Variants in MUC5B observed in about 807,000 individuals in gnomAD.
MUC5B encodes the protein mucin 5B, oligomeric mucus/gel-forming.
MUC5B carries 116 observed loss-of-function variants against 376.9 expected under a neutral mutation model. That is an observed-to-expected ratio of 0.31 (90% CI 0.26 to 0.36). The LOEUF is 0.36. Among genes scored for constraint, MUC5B ranks in the 10% least tolerant of loss-of-function variants. The probability of loss-of-function intolerance (pLI) is 1.00; values close to 1 mark genes in which losing one functional copy is unlikely to be tolerated. For missense variants in MUC5B, 7,165 were observed against 7,769.9 expected, an observed-to-expected ratio of 0.92 and a Z score of 2.93; for synonymous variants, 3,517 against 3,390.9, an observed-to-expected ratio of 1.04 and a Z score of -1.29.
chr11:1,243,297 G>A lies in MUC5B; in HGVS notation c.6417G>A (p.Thr2139=), dbSNP rs530831534. ...CATCACTGACCACCACGGCCACTACGATCACGGCCACCGGCTCCACCACCA... is the reference window on the plus strand; with the variant it reads ...CATCACTGACCACCACGGCCACTACAATCACGGCCACCGGCTCCACCACCA... ...TPPSLTTTAT[T]ITATGSTTNP... is the part of the protein sequence containing the mutation. Residue 2139 remains threonine, a synonymous_variant, in exon 31 of 49, where the codon ACG becomes ACA. Coordinates refer to ENST00000529681, the MANE Select transcript of MUC5B (RefSeq NM_002458.3). The A allele has an allele frequency of 5.5e-4, 854 of 1,555,654 alleles. 5 individuals are homozygous for A. The African/African-American group carries it at 0.011, about 20-fold the overall frequency.
chr11:1,239,407 G>T, intron 26 of MUC5B, 31 bp from the exon 27 acceptor site: 1 of 1,587,756 alleles, frequency 6.3e-7, no homozygotes, highest in South Asian at 1.1e-5. Context: ...GCTGGTGGGC[G>T]CCTCCTTAGC....
rs1267756279 is a variant in MUC5B at position 1,244,634 on chromosome 11, C to G, written c.7754C>G (p.Thr2585Ser). 1.2e-6 allele frequency: 2 copies of G among 1,613,784 alleles called. No individual in the cohort carries two copies. Among genetic ancestry groups the G allele is most frequent in the Non-Finnish European group, 1.7e-6 (2 of 1,179,814 alleles). The change falls in exon 31 of 49, where the codon ACC becomes AGC. Residue 2585 changes from threonine (T) to serine (S), a missense_variant. By Grantham distance (58) the Thr-to-Ser change is moderately conservative (BLOSUM62 1). Transcript: ENST00000529681. ...TCCACAGTGCTTACCACCACGGCCA[C>G]CACAACCGGGGCCACCGGCTCTGTG... ...HTSTVLTTTATTTGATGSVAT... is the reference protein window; with the variant it reads ...HTSTVLTTTASTTGATGSVAT...
In MUC5B at chr11:1,249,031, A is replaced by T. The variant is rs1477658091; in HGVS notation, c.12151A>T (p.Thr4051Ser). The stretch of plus-strand genomic sequence containing the variant: ...AGAGCCTTCCACGGGGACTTCCCAC[A>T]CCCCAGCAGCAACCACCGGTACCAC... The part of the protein sequence containing the change: ...ITEPSTGTSH[T>S]PAATTGTTQH... Residue 4051 changes from threonine to serine, a missense_variant, in exon 31 of 49, where the codon ACC becomes TCC. Physicochemically the swap from Thr to Ser is moderately conservative, Grantham distance 58. This residue lies in a region of MUC5B where 85 missense variants were observed against 78.2 expected (regional missense o/e 1.09). Transcript: ENST00000529681. The T allele has an allele frequency of 4.4e-6, 7 of 1,607,378 alleles. No homozygotes were observed. Among genetic ancestry groups the T allele is most frequent in the Non-Finnish European group, 5.9e-6 (7 of 1,178,456 alleles).
Position 1,255,525 on chromosome 11 carries a change from A to G in MUC5B, c.16033A>G (p.Ser5345Gly), listed in dbSNP as rs750064611. ...GCTCTGCCGCGCCCGGGGAGTGTGC[A>G]GTGACTGGCGAGGTGCAACCGGTGG... is the stretch of plus-strand genomic sequence containing the variant. ...AELCRARGVC[S>G]DWRGATGGLC... Residue 5345 changes from serine to glycine, a missense_variant, in exon 37 of 49, where the codon AGT (serine) becomes GGT (glycine). Coordinates refer to ENST00000529681, the MANE Select transcript of MUC5B (RefSeq NM_002458.3). The G allele has an allele frequency of 1.0e-5, 16 of 1,544,090 alleles. No individual in the cohort carries two copies. In the African/African-American group the frequency reaches 1.8e-4, roughly 17 times the overall value.
chr11:1,259,255 CGAGGCACCTGCCCCCAGGTGAGACCT>C (rs1862936812), intron 44 of MUC5B, among the ~76,000 whole-genome samples, 194 bp downstream of exon 44: 1 of 145,394 alleles, frequency 6.9e-6, no homozygotes, highest in Non-Finnish European at 1.5e-5. Context: ...AGGTGAGACC[CGAGGCACCTGCCCCCAGGTGAGACCT>C]GAGTCACCTG....
In MUC5B at chr11:1,250,794, C is replaced by T; in HGVS notation, c.13914C>T (p.Thr4638=). ...CCACAACCAGTGGCTCCACGGTGACCCCCTCCTCCATCCCGGGGACCACCC... is the reference window on the plus strand; with the variant it reads ...CCACAACCAGTGGCTCCACGGTGACTCCCTCCTCCATCCCGGGGACCACCC... The part of the protein sequence containing the change: ...TTPTTSGSTV[T]PSSIPGTTHT... The change falls in exon 31 of 49, where the codon ACC becomes ACT. Residue 4638 remains threonine (T), a synonymous_variant. Transcript: ENST00000529681. 7 of 1,613,382 alleles carry T rather than the reference C, an allele frequency of 4.3e-6. No homozygotes were observed. The highest frequency in any genetic ancestry group is 5.1e-6 in the Non-Finnish European group (6 of 1,179,626).
chr11:1,254,674 G>A lies in MUC5B; in HGVS notation c.15478-20G>A, dbSNP rs372587535. On this transcript the variant is annotated intron_variant, in intron 34 of 48. Coordinates refer to ENST00000529681, the MANE Select transcript of MUC5B (RefSeq NM_002458.3). ...ACCTGGCACTGCCTCCCAGCTCAGG[G>A]TTCCCCTGGATTCCCCCAGATCCTG... 2.5e-6 allele frequency: 4 copies of A among 1,605,946 alleles called. No homozygotes were observed. The highest frequency in any genetic ancestry group is 1.3e-5 in the African/African-American group (1 of 74,964).
rs376819411 is a variant in MUC5B at position 1,249,576 on chromosome 11, G to A, written c.12696G>A (p.Pro4232=). 4.2e-5 allele frequency: 67 copies of A among 1,611,894 alleles called. No individual in the cohort carries two copies. The highest frequency in any genetic ancestry group is 6.7e-5 in the Admixed American group (4 of 59,956). Residue 4232 remains proline, a synonymous_variant, in exon 31 of 49, where the codon CCG becomes CCA. Transcript: ENST00000529681. ...ACTACGGCCACTGCCCCAGCACCCCGGCCACCAGCTCTACGGCCATGCCCT... is the reference window on the plus strand; with the variant it reads ...ACTACGGCCACTGCCCCAGCACCCCAGCCACCAGCTCTACGGCCATGCCCT... ...CCNYGHCPST[P]ATSSTAMPSS...
chr11:1,259,144 A>G, intron 44 of MUC5B, 83 bp downstream of exon 44: 1 of 1,337,996 alleles, frequency 7.5e-7, no homozygotes, highest in Non-Finnish European at 1.0e-6. Flanking sequence ...CCCCCAGGTG[A>G]GACCTGAGTC....
Position 1,242,690 on chromosome 11 carries a change from A to T in MUC5B, c.5810A>T (p.Lys1937Ile). Residue 1937 changes from lysine to isoleucine, a missense_variant, in exon 31 of 49, where the codon AAA becomes ATA. Coordinates refer to ENST00000529681, the MANE Select transcript of MUC5B (RefSeq NM_002458.3). ...ACCCTGAGAACAGCTCCCCCTCCCA[A>T]AGTGCTGACCACCACGGCCACCACA... ...TSTLRTAPPPKVLTTTATTPT... is the reference protein window; with the variant it reads ...TSTLRTAPPPIVLTTTATTPT... The T allele has an allele frequency of 6.2e-7, 1 of 1,612,858 alleles. No individual in the cohort carries two copies. Among genetic ancestry groups the T allele is most frequent in the South Asian group, 1.1e-5 (1 of 91,026 alleles).
chr11:1,230,735 A>G, intron 12 of MUC5B, 135 bp downstream of exon 12: 1 of 356,916 alleles, frequency 2.8e-6, no homozygotes, highest in Non-Finnish European at 3.8e-6. Flanking sequence ...GTCCCCCTCC[A>G]GCCCCCAGGT....
In MUC5B at chr11:1,258,186, G is replaced by T. The variant is rs1192976230; in HGVS notation, c.16538G>T (p.Cys5513Phe). The change falls in exon 42 of 49, where the codon TGT becomes TTT. Residue 5513 changes from cysteine to phenylalanine, a missense_variant. Coordinates refer to ENST00000529681, the MANE Select transcript of MUC5B (RefSeq NM_002458.3). The surrounding 1 kb of genome is among the most constrained non-coding windows in gnomAD (Gnocchi z 5.5). ...TGCACCCAGGAGGAGGGCGACTGCT[G>T]TCCCACCTTCCGCTGCAGTGAGCGG... Reference protein sequence around the residue: ...SICTQEEGDCCPTFRCRPQLC... With the variant: ...SICTQEEGDCFPTFRCRPQLC... The T allele has an allele frequency of 6.3e-7, 1 of 1,598,154 alleles. No individual in the cohort carries two copies. The highest frequency in any genetic ancestry group is 1.7e-5 in the Admixed American group (1 of 58,066).
rs1862448120 is a variant in MUC5B, at chr11:1,245,978, C to T, written c.9098C>T (p.Thr3033Ile). 1.9e-6 allele frequency: 3 copies of T among 1,613,134 alleles called. No homozygotes were observed. The highest frequency in any genetic ancestry group is 1.1e-5 in the South Asian group (1 of 91,038). Residue 3033 changes from threonine to isoleucine, a missense_variant, in exon 31 of 49, where the codon ACA (threonine) becomes ATA (isoleucine). Around this residue, in one of 31 missense-constraint regions of MUC5B, gnomAD observed 939 missense variants for 770.6 expected, o/e 1.22. Coordinates refer to ENST00000529681, the MANE Select transcript of MUC5B (RefSeq NM_002458.3). ...KVLTSTATTP[T>I]ATSSKATSSS... ...CTGACCAGCACGGCCACCACACCCACAGCCACCAGTTCCAAAGCCACTTCC... is the reference window on the plus strand; with the variant it reads ...CTGACCAGCACGGCCACCACACCCATAGCCACCAGTTCCAAAGCCACTTCC...
Position 1,257,305 on chromosome 11 carries a change from C to T in MUC5B, c.16269+34C>T. ...CTCCACCCCCACCTGCCCTACCCCA[C>T]CCTCTCGCGAGCTGAGGGAGGGAGG... On this transcript the variant is annotated intron_variant, in intron 40 of 48. Coordinates refer to ENST00000529681, the MANE Select transcript of MUC5B (RefSeq NM_002458.3). This position sits in a 1 kb window ranked among gnomAD's most constrained non-coding sequence, Gnocchi z 8.9. 2 of 786,538 alleles carry T rather than the reference C, an allele frequency of 2.5e-6. No homozygotes were observed. Among genetic ancestry groups the T allele is most frequent in the Non-Finnish European group, 4.7e-6 (2 of 424,516 alleles). 48.7% of individuals were successfully genotyped at this position (786,538 alleles called of 1,614,324 possible).
rs1862634144 is a variant in MUC5B at position 1,250,200 on chromosome 11, G to A, written c.13320G>A (p.Pro4440=). ...CGTCCACTGGATCCACGGCCACCCC[G>A]TCCTCCACCCCAGGGACCACCTGGA... is the stretch of plus-strand genomic sequence containing the variant. ...TTASTGSTAT[P]SSTPGTTWIL... Residue 4440 remains proline, a synonymous_variant, in exon 31 of 49, where the codon CCG becomes CCA. Transcript: ENST00000529681. 5.0e-6 allele frequency: 8 copies of A among 1,603,432 alleles called. No individual in the cohort carries two copies. The highest frequency in any genetic ancestry group is 1.4e-5 in the African/African-American group (1 of 72,396).
At position 1,252,838 on chromosome 11, in the gene MUC5B, C is replaced by T. The variant is rs372909772; in HGVS notation, c.15075C>T (p.Cys5025=). The T allele has an allele frequency of 2.5e-6, 4 of 1,611,398 alleles. No individual in the cohort carries two copies. In the African/African-American group the frequency reaches 5.3e-5, roughly 21 times the overall value. The change falls in exon 33 of 49, where the codon TGC becomes TGT. Residue 5025 remains cysteine (C), a synonymous_variant. Coordinates refer to ENST00000529681, the MANE Select transcript of MUC5B (RefSeq NM_002458.3). ...QVNETWTLEN[C]TVARCVGDNR... is the part of the protein sequence containing the mutation. ...ATGAGACCTGGACCCTGGAGAACTGCACGGTGGCCAGGTGCGTGGGTGACA... is the reference window on the plus strand; with the variant it reads ...ATGAGACCTGGACCCTGGAGAACTGTACGGTGGCCAGGTGCGTGGGTGACA...
chr11:1,246,465 G>A lies in MUC5B; in HGVS notation c.9585G>A (p.Val3195=). Residue 3195 remains valine, a synonymous_variant, in exon 31 of 49, where the codon GTG becomes GTA. Coordinates refer to ENST00000529681, the MANE Select transcript of MUC5B (RefSeq NM_002458.3). ...STRATAGTLK[V]LTSTATTPTV... The stretch of plus-strand genomic sequence containing the variant: ...GGGCAACTGCTGGCACCCTCAAAGT[G>A]CTGACCAGCACGGCCACCACACCCA... 2 of 1,613,316 alleles carry A rather than the reference G, an allele frequency of 1.2e-6. No individual in the cohort carries two copies. The highest frequency in any genetic ancestry group is 1.7e-6 in the Non-Finnish European group (2 of 1,179,706).
chr11:1,254,271 C>T lies in MUC5B; in HGVS notation c.15397C>T (p.Pro5133Ser), dbSNP rs1862775773. The change falls in exon 34 of 49, where the codon CCC becomes TCC. Residue 5133 changes from proline (P) to serine (S), a missense_variant. By Grantham distance (74) the Pro-to-Ser change is moderately conservative (BLOSUM62 -1). Around this residue, in one of 31 missense-constraint regions of MUC5B, gnomAD observed 842 missense variants for 1,016.9 expected, o/e 0.83. Coordinates refer to ENST00000529681, the MANE Select transcript of MUC5B (RefSeq NM_002458.3). ...ASATAAAARC[P>S]RALSIHYKSM... The stretch of plus-strand genomic sequence containing the variant: ...TGCCACTGCCGCTGCCGCCCGCTGC[C>T]CCCGCGCCCTCAGCATCCACTACAA... 2 of 1,611,924 alleles carry T rather than the reference C, an allele frequency of 1.2e-6. No individual in the cohort carries two copies. Among genetic ancestry groups the T allele is most frequent in the Admixed American group, 1.7e-5 (1 of 60,030 alleles).
chr11:1,229,480 G>T lies in MUC5B; in HGVS notation c.1102+185G>T, dbSNP rs530085736. ...ACCTGCCGATGCGTGGAGGGAGGTA[G>T]AGCAGTGCCATGAGCCAGCTGGGCA... On this transcript the variant is annotated intron_variant, in intron 9 of 48. Coordinates refer to ENST00000529681, the MANE Select transcript of MUC5B (RefSeq NM_002458.3). Among the ~76,000 whole-genome samples the T allele has an allele frequency of 2.0e-5, 3 of 152,278 alleles. No individual in the cohort carries two copies. In the East Asian group the frequency reaches 5.8e-4, roughly 29 times the overall value.
Sources: allele counts gnomAD v4.1 joint callset (sites outside exome capture counted in the v4.1 genomes callset), GRCh38; gene constraint gnomAD v4.1.1; regional missense constraint gnomAD v4.1.1; non-coding constraint Gnocchi (gnomAD v3.1); transcripts MANE v1.5; gene names NCBI Gene and HGNC (gene_info 2026-07-23, HGNC 2026-07-21).